Variants in ATRNL1 observed in about 807,000 individuals in gnomAD.
ATRNL1 encodes the protein attractin-like protein 1.
ATRNL1 carries 95 observed loss-of-function variants against 182.7 expected under a neutral mutation model. That is an observed-to-expected ratio of 0.52 (90% CI 0.44 to 0.62). ATRNL1 has a LOEUF of 0.62. Among genes scored for constraint, ATRNL1 ranks in the 20% least tolerant of loss-of-function variants. The pLI, the probability that ATRNL1 is intolerant of heterozygous loss-of-function variation, is 0.00. For synonymous variants in ATRNL1, 576 were observed against 568.3 expected (o/e 1.01, Z -0.19); for missense variants, 1,471 against 1,679.5 (o/e 0.88, Z 2.17).
chr10:115,319,558 C>A (rs1464320257), intron 18 of ATRNL1, among the ~76,000 whole-genome samples: 1 of 152,156 alleles, frequency 6.6e-6, no homozygotes, highest in African/African-American at 2.4e-5. Context: ...TTTTATGAAT[C>A]TGGATGCTCC....
chr10:115,107,290 A>G (rs1416779681), intron 1 of ATRNL1, among the ~76,000 whole-genome samples: 2 of 152,220 alleles, frequency 1.3e-5, no homozygotes, highest in Non-Finnish European at 2.9e-5. Context: ...CCAAAGTGCA[A>G]TGGTGAGACA....
chr10:115,116,855 G>C (rs1554870105), intron 1 of ATRNL1, among the ~76,000 whole-genome samples: 1 of 152,006 alleles, frequency 6.6e-6, no homozygotes, highest in Non-Finnish European at 1.5e-5. Flanking sequence ...GGAATTCAGG[G>C]ATTGTGGTGA....
intron 25 of ATRNL1, among the ~76,000 whole-genome samples, chr10:115,547,267 T>C (rs1394751022): frequency 1.5e-5 from 2 of 137,378 alleles, no homozygotes; most frequent in Non-Finnish European, 3.2e-5. Context: ...AAAAAAAATA[T>C]ATATATATAT....
At chr10:115,403,609 C>T (rs148015493) in intron 20 of ATRNL1, among the ~76,000 whole-genome samples, 1,776 of 152,136 alleles carry the variant, frequency 0.012, 34 homozygotes, top group African/African-American at 0.039. Flanking sequence ...CACTCGCCAC[C>T]GCACCCGGCT....
At position 115,946,244 on chromosome 10, in the gene ATRNL1, A is replaced by G. The variant is rs1484168667; in HGVS notation, c.*1465A>G. On this transcript the variant is annotated 3_prime_UTR_variant, in exon 29 of 29. Coordinates refer to ENST00000355044, the MANE Select transcript of ATRNL1 (RefSeq NM_207303.4). The stretch of plus-strand genomic sequence containing the variant: ...TTCTTTGGATTTCTGGAAGGTTATG[A>G]CACTTTACTGTTTACAGCTAATGCA... 1.3e-5 allele frequency: 2 copies of G among 152,216 alleles called. No individual in the cohort carries two copies. The highest frequency in any genetic ancestry group is 4.8e-5 in the African/African-American group (2 of 41,460). 9.4% of individuals were successfully genotyped at this position (152,216 alleles called of 1,614,324 possible).
At chr10:115,575,237 A>G (rs574952969) in intron 26 of ATRNL1, among the ~76,000 whole-genome samples, 18 of 152,296 alleles carry the variant, frequency 1.2e-4, no homozygotes, top group African/African-American at 3.8e-4. Context: ...TTAATGGACC[A>G]TCGACTTTCA....
intron 8 of ATRNL1, among the ~76,000 whole-genome samples, chr10:115,201,076 T>G (rs1284213309): frequency 7.2e-6 from 1 of 139,764 alleles, no homozygotes; most frequent in Non-Finnish European, 1.6e-5. Flanking sequence ...GGTGGGCTTG[T>G]TTTTTTTTTT....
chr10:115,259,369 TCA>T (rs199722856), intron 10 of ATRNL1, among the ~76,000 whole-genome samples: 2,230 of 151,412 alleles, frequency 0.015, 51 homozygotes, highest in African/African-American at 0.051. Context: ...CAGTTCAATC[TCA>T]GACTGCCGTG....
intron 28 of ATRNL1, among the ~76,000 whole-genome samples, chr10:115,918,379 A>T (rs967287081): frequency 2.6e-5 from 4 of 152,180 alleles, no homozygotes; most frequent in Non-Finnish European, 2.9e-5. Context: ...CTAGGATTAC[A>T]GGCATGAGCC....
intron 24 of ATRNL1, among the ~76,000 whole-genome samples, chr10:115,513,303 G>A (rs1850482851): frequency 6.6e-6 from 1 of 151,910 alleles, no homozygotes; most frequent in African/African-American, 2.4e-5. Flanking sequence ...TTTGATCTCA[G>A]CACTTCTGCA....
At chr10:115,261,890 A>G (rs1851407638) in intron 10 of ATRNL1, among the ~76,000 whole-genome samples, 1 of 152,082 alleles carries the variant, frequency 6.6e-6, no homozygotes, top group Non-Finnish European at 1.5e-5. Flanking sequence ...TAAAAAACAA[A>G]TAAGAAACTG....
chr10:115,434,228 T>G (rs138195652), intron 21 of ATRNL1, among the ~76,000 whole-genome samples: 1 of 152,278 alleles, frequency 6.6e-6, no homozygotes, highest in Non-Finnish European at 1.5e-5. Flanking sequence ...TAGCATTTAG[T>G]AAATAAAACA....
rs1288782437 is a variant in ATRNL1, at chr10:115,127,863, T to A, written c.620+142T>A. The stretch of plus-strand genomic sequence containing the variant: ...ATTTCAAATTAGTAGGCAGGATCCC[T>A]TCTTAAGTGACATAAAATCTTAATA... On this transcript the variant is annotated intron_variant, in intron 4 of 28. Transcript: ENST00000355044. The A allele has an allele frequency of 9.6e-6, 5 of 521,512 alleles. No individual in the cohort carries two copies. In the African/African-American group the frequency reaches 1.0e-4, roughly 10 times the overall value. The allele number at this position is 521,512 out of a possible 1,614,324, so 32.3% of individuals were successfully genotyped here.
chr10:115,440,991 C>G (rs1465455241), intron 21 of ATRNL1, among the ~76,000 whole-genome samples: 2 of 151,514 alleles, frequency 1.3e-5, no homozygotes, highest in Non-Finnish European at 2.9e-5. Context: ...TGCGAATGTT[C>G]CCATTTTTTT....
chr10:115,755,597 C>T (rs1466885240), intron 27 of ATRNL1, among the ~76,000 whole-genome samples: 4 of 152,064 alleles, frequency 2.6e-5, no homozygotes, highest in African/African-American at 9.7e-5. Flanking sequence ...ATTTTTGCAT[C>T]GATGTTCATT....
chr10:115,202,336 T>A (rs1357103584), intron 8 of ATRNL1, among the ~76,000 whole-genome samples: 13 of 150,480 alleles, frequency 8.6e-5, no homozygotes, highest in Admixed American at 2.0e-4. Flanking sequence ...GCTTCCAGTT[T>A]TTGCCCATTC....
At chr10:115,540,598 A>G (rs1852297672) in intron 25 of ATRNL1, among the ~76,000 whole-genome samples, 1 of 151,982 alleles carries the variant, frequency 6.6e-6, no homozygotes, top group African/African-American at 2.4e-5. Flanking sequence ...CATCTCTACT[A>G]AAAATACAAA....
intron 27 of ATRNL1, among the ~76,000 whole-genome samples, chr10:115,839,653 C>A (rs1950758043): frequency 1.3e-5 from 2 of 152,128 alleles, no homozygotes; most frequent in Admixed American, 1.3e-4. Context: ...CATACCCTCT[C>A]CTGCCTGCCT....
chr10:115,186,205 A>G (rs1020059354), intron 8 of ATRNL1, among the ~76,000 whole-genome samples: 19 of 151,530 alleles, frequency 1.3e-4, no homozygotes, highest in Non-Finnish European at 2.8e-4. Context: ...CATACAAATG[A>G]TGAGAAACAC....
Sources: gnomAD v4.1 joint callset for allele counts (sites outside exome capture counted in the v4.1 genomes callset) on GRCh38, gnomAD v4.1.1 for gene constraint, MANE v1.5 for transcripts, NCBI Gene and HGNC (gene_info 2026-07-23, HGNC 2026-07-21) for gene names.